The following CCSER1 variants were observed in gnomAD, a reference collection of about 807,000 sequenced individuals.
CCSER1 encodes the protein serine-rich coiled-coil domain-containing protein 1.
A neutral mutation model predicts 82.0 loss-of-function variants in CCSER1; 41 were observed. The ratio of observed to expected loss-of-function variants is 0.50; its 90% CI spans 0.39 to 0.65. The LOEUF is 0.65. Among genes scored for constraint, CCSER1 ranks in the 30% least tolerant of loss-of-function variants. The pLI, the probability that CCSER1 is intolerant of heterozygous loss-of-function variation, is 0.00. For synonymous variants in CCSER1, 414 were observed against 383.9 expected (o/e 1.08, Z -0.92); for missense variants, 1,119 against 1,064.2 (o/e 1.05, Z -0.72).
chr4:91,303,759 C>T (rs947367610), intron 10 of CCSER1, among the ~76,000 whole-genome samples: 6 of 151,856 alleles, frequency 4.0e-5, no homozygotes, highest in African/African-American at 7.3e-5. Flanking sequence ...CCTGCCACTG[C>T]GCTCCAACCT....
At chr4:90,657,964 A>G (rs1041196351) in intron 6 of CCSER1, among the ~76,000 whole-genome samples, 1 of 152,090 alleles carries the variant, frequency 6.6e-6, no homozygotes, top group African/African-American at 2.4e-5. Flanking sequence ...TTAGCTGGGC[A>G]TGGTGGTGCA....
intron 10 of CCSER1, among the ~76,000 whole-genome samples, chr4:91,091,097 C>T (rs1006461989): frequency 3.3e-5 from 5 of 152,140 alleles, no homozygotes; most frequent in South Asian, 2.1e-4. Context: ...TACTTATTTT[C>T]GGTCATGTAT....
chr4:91,109,832 T>C (rs1725941545), intron 10 of CCSER1, among the ~76,000 whole-genome samples: 1 of 152,134 alleles, frequency 6.6e-6, no homozygotes, highest in African/African-American at 2.4e-5. Flanking sequence ...ATGGAGCCCA[T>C]GGTTTCACAA....
chr4:91,521,626 A>G (rs557732689), intron 10 of CCSER1, among the ~76,000 whole-genome samples: 2,162 of 152,290 alleles, frequency 0.014, 21 homozygotes, highest in Middle Eastern at 0.048. Context: ...TTCTCTGATG[A>G]CCAGTGATGA....
intron 1 of CCSER1, among the ~76,000 whole-genome samples, chr4:90,151,155 C>T (rs1019089581): frequency 9.2e-5 from 14 of 151,952 alleles, no homozygotes; most frequent in Non-Finnish European, 1.6e-4. Context: ...AGGCCTGGAA[C>T]ACTTTCAAAT....
chr4:90,182,507 A>G (rs1733907845), intron 1 of CCSER1, among the ~76,000 whole-genome samples: 1 of 152,160 alleles, frequency 6.6e-6, no homozygotes, highest in Non-Finnish European at 1.5e-5. Flanking sequence ...GAAGCATTAC[A>G]GGATATGTTG....
At chr4:90,507,000 T>A (rs1461440452) in intron 5 of CCSER1, among the ~76,000 whole-genome samples, 2 of 152,134 alleles carry the variant, frequency 1.3e-5, no homozygotes, top group Admixed American at 1.3e-4. Context: ...TCAAATAAAA[T>A]CTTTAACTAG....
chr4:91,138,873 A>T lies in CCSER1; in HGVS notation c.2217+52879A>T, dbSNP rs181462871. ...ACTGGCCATCAGAAAAATTCTTTTT[A>T]AAAAAATAAGTTCTACCTTTATTTT... is the stretch of plus-strand genomic sequence containing the variant. On this transcript the variant is annotated intron_variant, in intron 10 of 10. Transcript: ENST00000509176. Among the ~76,000 whole-genome samples, 594 of 152,260 alleles carry T rather than the reference A, an allele frequency of 3.9e-3. 3 individuals are homozygous for T. Among genetic ancestry groups the T allele is most frequent in the Middle Eastern group, 6.8e-3 (2 of 294 alleles).
chr4:90,974,688 T>TA (rs1735446828), intron 9 of CCSER1, among the ~76,000 whole-genome samples: 1 of 151,392 alleles, frequency 6.6e-6, no homozygotes, highest in Non-Finnish European at 1.5e-5. Flanking sequence ...ATAGGATAGT[T>TA]AAAATAATAA....
chr4:90,312,141 T>C (rs1164529192), intron 2 of CCSER1, among the ~76,000 whole-genome samples: 2 of 152,148 alleles, frequency 1.3e-5, no homozygotes, highest in Non-Finnish European at 2.9e-5. Flanking sequence ...CATACAGATA[T>C]TTGAGAGAAA....
chr4:90,879,380 G>C (rs746207417), intron 8 of CCSER1, among the ~76,000 whole-genome samples: 121 of 151,816 alleles, frequency 8.0e-4, no homozygotes, highest in Non-Finnish European at 1.6e-3. Context: ...GATGATCTTT[G>C]TTCCTAGCCA....
At chr4:90,906,682 A>G (rs1725523292) in intron 8 of CCSER1, among the ~76,000 whole-genome samples, 2 of 152,230 alleles carry the variant, frequency 1.3e-5, no homozygotes, top group South Asian at 2.1e-4. Flanking sequence ...TTCCTCAATA[A>G]AAATATCAAG....
At chr4:90,178,372 T>G (rs570961542) in intron 1 of CCSER1, among the ~76,000 whole-genome samples, 26 of 152,062 alleles carry the variant, frequency 1.7e-4, no homozygotes, top group African/African-American at 6.3e-4. Context: ...CTGATATAAT[T>G]TTTTTTTCTA....
At chr4:91,205,216 AAATC>A (rs1444570981) in intron 10 of CCSER1, among the ~76,000 whole-genome samples, 2 of 151,820 alleles carry the variant, frequency 1.3e-5, no homozygotes, top group Non-Finnish European at 1.5e-5. Flanking sequence ...CTTCAATATT[AAATC>A]AATATCAAAT....
chr4:90,196,396 T>C (rs769175181), intron 1 of CCSER1, among the ~76,000 whole-genome samples: 4 of 152,008 alleles, frequency 2.6e-5, no homozygotes, highest in Non-Finnish European at 4.4e-5. Context: ...CCTTCACTTA[T>C]CTCCAGGAGT....
chr4:91,399,193 A>G (rs548949934), intron 10 of CCSER1, among the ~76,000 whole-genome samples: 79 of 152,012 alleles, frequency 5.2e-4, no homozygotes, highest in Non-Finnish European at 1.1e-3. Context: ...AAGGCTCCCC[A>G]AGGGAATGAT....
intron 10 of CCSER1, among the ~76,000 whole-genome samples, chr4:91,335,112 G>A (rs2149280795): frequency 6.6e-6 from 1 of 152,112 alleles, no homozygotes; most frequent in Middle Eastern, 3.4e-3. Context: ...TTTTCAGCCT[G>A]GAGCCTGGAT....
In CCSER1 at chr4:91,553,034, G is replaced by A. The variant is rs566028466; in HGVS notation, c.2218-45538G>A. Reference sequence around the variant, plus strand: ...TTGTTTTGTATTATATATAAGACAGGCCTAGTAAGAGGCCTTTATTATGTT... The same window carrying A: ...TTGTTTTGTATTATATATAAGACAGACCTAGTAAGAGGCCTTTATTATGTT... On this transcript the variant is annotated intron_variant, in intron 10 of 10. Transcript: ENST00000509176. Among the ~76,000 whole-genome samples the A allele has an allele frequency of 1.6e-3, 243 of 151,484 alleles. 3 individuals are homozygous for A. The highest frequency in any genetic ancestry group is 5.4e-3 in the South Asian group (26 of 4,798).
chr4:90,663,912 A>C (rs917809014), intron 6 of CCSER1: 2 of 339,304 alleles, frequency 5.9e-6, no homozygotes, highest in African/African-American at 4.2e-5. Flanking sequence ...TAGTTGTATG[A>C]AAGTGAAGCT....
Sources: gnomAD v4.1 joint callset for allele counts (sites outside exome capture counted in the v4.1 genomes callset) on GRCh38, gnomAD v4.1.1 for gene constraint, MANE v1.5 for transcripts, NCBI Gene and HGNC (gene_info 2026-07-23, HGNC 2026-07-21) for gene names.